Variants in USP34 observed in about 807,000 individuals in gnomAD.
The protein encoded by USP34 is ubiquitin carboxyl-terminal hydrolase 34.
Under a neutral mutation model 460.3 loss-of-function variants are expected in USP34, and 70 were observed. The ratio of observed to expected loss-of-function variants is 0.15; its 90% CI spans 0.13 to 0.19. USP34 has a LOEUF of 0.19. Among genes scored for constraint, USP34 ranks in the 10% least tolerant of loss-of-function variants. USP34 has a pLI of 1.00. For synonymous variants in USP34, 1,647 were observed against 1,405.3 expected (o/e 1.17, Z -3.85); for missense variants, 3,985 against 4,236.2 (o/e 0.94, Z 1.65).
At chr2:61,446,629 C>G (rs1015427039) in intron 1 of USP34, among the ~76,000 whole-genome samples, 1 of 151,978 alleles carries the variant, frequency 6.6e-6, no homozygotes, top group African/African-American at 2.4e-5. Flanking sequence ...AGCCCCATCT[C>G]TACTAAAAAT....
At position 61,341,365 on chromosome 2, in the gene USP34, A is replaced by C. The variant is rs542061413; in HGVS notation, c.2501-1684T>G. On this transcript the variant is annotated intron_variant, in intron 16 of 79. Coordinates refer to ENST00000398571, the MANE Select transcript of USP34 (RefSeq NM_014709.4). Reference sequence around the variant, plus strand: ...TAGGTATATATTTAACTTTGTGATAAAGCAGTTTGATACAGTTTGAATGTT... The same window carrying C: ...TAGGTATATATTTAACTTTGTGATACAGCAGTTTGATACAGTTTGAATGTT... 1.1e-4 allele frequency among the ~76,000 whole-genome samples: 16 copies of C among 152,290 alleles called. No homozygotes were observed. In the East Asian group the frequency reaches 2.9e-3, roughly 28 times the overall value.
At chr2:61,233,288 A>G (rs1450685210) in intron 57 of USP34, among the ~76,000 whole-genome samples, 1 of 152,234 alleles carries the variant, frequency 6.6e-6, no homozygotes, top group Non-Finnish European at 1.5e-5. Flanking sequence ...AAACAGAGGA[A>G]CATGTTAAAC....
intron 75 of USP34, chr2:61,194,315 C>T (rs1686730396): frequency 1.0e-6 from 1 of 985,138 alleles, no homozygotes; most frequent in African/African-American, 1.7e-5. Context: ...ACCACGGTAT[C>T]ACCACACACA....
intron 62 of USP34, among the ~76,000 whole-genome samples, chr2:61,224,572 G>A (rs1236741318): frequency 6.6e-6 from 1 of 152,086 alleles, no homozygotes; most frequent in Admixed American, 6.6e-5. Flanking sequence ...ATACATATAA[G>A]AACACAAACT....
At position 61,436,155 on chromosome 2, in the gene USP34, C is replaced by T. The variant is rs185184107; in HGVS notation, c.44-15322G>A. On this transcript the variant is annotated intron_variant, in intron 1 of 79. Transcript: ENST00000398571. The stretch of plus-strand genomic sequence containing the variant: ...CAGAGCCTGGCCAACATGACAAAAC[C>T]ATGTCTGTACTAAAAATACAAAAAA... Among the ~76,000 whole-genome samples, 619 of 151,986 alleles carry T rather than the reference C, an allele frequency of 4.1e-3. 5 individuals are homozygous for T. The highest frequency in any genetic ancestry group is 6.9e-3 in the Middle Eastern group (2 of 290).
At chr2:61,229,471 A>ACAAC in intron 59 of USP34, 77 bp downstream of exon 59, 1 of 693,386 alleles carries the variant, frequency 1.4e-6, no homozygotes, top group South Asian at 3.6e-5. Flanking sequence ...AAAAAAAAAA[A>ACAAC]AAAACAAAAA....
intron 22 of USP34, among the ~76,000 whole-genome samples, chr2:61,318,796 AAG>A (rs1441016450): frequency 6.6e-6 from 1 of 152,218 alleles, no homozygotes; most frequent in Non-Finnish European, 1.5e-5. Flanking sequence ...TTAAATCATG[AAG>A]AGTCACAGAA....
At chr2:61,455,889 A>G (rs1695423470) in intron 1 of USP34, among the ~76,000 whole-genome samples, 1 of 152,216 alleles carries the variant, frequency 6.6e-6, no homozygotes, top group Admixed American at 6.6e-5. Flanking sequence ...AGGCATTAAG[A>G]GGTAAGGGAA....
At chr2:61,262,520 C>CT in intron 43 of USP34, among the ~76,000 whole-genome samples, 1 of 152,058 alleles carries the variant, frequency 6.6e-6, no homozygotes, top group Non-Finnish European at 1.5e-5. Context: ...TGGTCTTGTT[C>CT]TTTTTTTATG....
chr2:61,295,939 T>G (rs530584157), intron 30 of USP34, among the ~76,000 whole-genome samples: 1 of 152,350 alleles, frequency 6.6e-6, no homozygotes, highest in South Asian at 2.1e-4. Flanking sequence ...TGTCCTCAAA[T>G]AAACTACTTA....
At chr2:61,303,869 A>G (rs1001646036) in intron 27 of USP34, among the ~76,000 whole-genome samples, 1 of 150,546 alleles carries the variant, frequency 6.6e-6, no homozygotes, top group African/African-American at 2.5e-5. Flanking sequence ...TGCTGGGATT[A>G]CAGTGTGAGC....
At position 61,307,817 on chromosome 2, in the gene USP34, G is replaced by C. The variant is rs6729158; in HGVS notation, c.3817+3723C>G. Among the ~76,000 whole-genome samples, 123 of 152,110 alleles carry C rather than the reference G, an allele frequency of 8.1e-4. No homozygotes were observed. The South Asian group carries it at 1.0e-2, about 12-fold the overall frequency. ...AATCCAAGGACTTTGGACGGCCAAG[G>C]GGGGAGGATAGCTTGAGACCAGGAG... On this transcript the variant is annotated intron_variant, in intron 27 of 79. Transcript: ENST00000398571.
At chr2:61,301,724 A>G (rs2103643303) in intron 27 of USP34, among the ~76,000 whole-genome samples, 1 of 152,312 alleles carries the variant, frequency 6.6e-6, no homozygotes, top group Non-Finnish European at 1.5e-5. Flanking sequence ...TCTTGAAAAT[A>G]ACAAGTATAT....
intron 1 of USP34, among the ~76,000 whole-genome samples, chr2:61,451,113 C>T (rs1203135188): frequency 1.4e-5 from 2 of 146,976 alleles, no homozygotes; most frequent in Non-Finnish European, 3.0e-5. Flanking sequence ...TCCAGCTACT[C>T]GGGACGCTGA....
chr2:61,301,766 G>T (rs547544881), intron 27 of USP34, among the ~76,000 whole-genome samples: 6 of 152,108 alleles, frequency 3.9e-5, no homozygotes, highest in Non-Finnish European at 5.9e-5. Flanking sequence ...TTCTCTCCAG[G>T]AATTCAAGAT....
At chr2:61,402,737 C>T (rs1297838507) in intron 3 of USP34, among the ~76,000 whole-genome samples, 1 of 151,928 alleles carries the variant, frequency 6.6e-6, no homozygotes, top group East Asian at 1.9e-4. Context: ...CACAGCAGCA[C>T]AAAGAAAAGA....
chr2:61,229,966 A>G (rs1233901966), intron 58 of USP34, among the ~76,000 whole-genome samples: 4 of 152,146 alleles, frequency 2.6e-5, no homozygotes. Flanking sequence ...AGAAGAGTGG[A>G]ATGGGGAAGG....
chr2:61,304,912 T>TA lies in USP34; in HGVS notation c.3818-3459dup, dbSNP rs564060003. 3.0e-3 allele frequency among the ~76,000 whole-genome samples: 450 copies of TA among 152,124 alleles called. 3 individuals carry two copies. Among genetic ancestry groups the TA allele is most frequent in the African/African-American group, 0.01 (424 of 41,520 alleles). ...AGTTCTAAATAGAATTTCTACCTTT[T>TA]AAAAAAAATAGCATTTCAAGACAAA... On this transcript the variant is annotated intron_variant, in intron 27 of 79. Transcript: ENST00000398571.
chr2:61,407,505 C>G (rs1390499741), intron 2 of USP34, among the ~76,000 whole-genome samples: 2 of 152,144 alleles, frequency 1.3e-5, no homozygotes, highest in African/African-American at 4.8e-5. Flanking sequence ...ATCAAAACAA[C>G]TATATTGTAG....
Sources: allele counts gnomAD v4.1 joint callset (sites outside exome capture counted in the v4.1 genomes callset), GRCh38; gene constraint gnomAD v4.1.1; transcripts MANE v1.5; gene names NCBI Gene and HGNC (gene_info 2026-07-23, HGNC 2026-07-21).